The following NPR3 variants were observed in gnomAD, a reference collection of about 807,000 sequenced individuals.
The protein encoded by NPR3 is atrial natriuretic peptide receptor 3.
NPR3 carries 34 observed loss-of-function variants against 54.5 expected under a neutral mutation model. The observed-to-expected ratio is 0.62, with a 90% CI of 0.47 to 0.83. NPR3 has a LOEUF of 0.83. Ranked by LOEUF, NPR3 falls within the 40% of genes least tolerant of loss-of-function variation. The pLI, the probability that NPR3 is intolerant of heterozygous loss-of-function variation, is 0.00. For synonymous variants in NPR3, 289 were observed against 297.1 expected, an observed-to-expected ratio of 0.97 and a Z score of 0.28; for missense variants, 674 against 720.8, an observed-to-expected ratio of 0.94 and a Z score of 0.74.
intron 1 of NPR3, chr5:32,713,302 A>G (rs905348416): frequency 2.0e-6 from 2 of 985,250 alleles, no homozygotes; most frequent in African/African-American, 1.7e-5. Flanking sequence ...CTGTCCCCCA[A>G]GTTTTCTCCA....
Position 32,711,945 on chromosome 5 carries a change from G to A in NPR3, c.169G>A (p.Val57Met), listed in dbSNP as rs2111840156. The change falls in exon 1 of 8, where the codon GTG (valine) becomes ATG (methionine). Residue 57 changes from valine (V) to methionine (M), a missense_variant. By Grantham distance (21) the Val-to-Met change is conservative (BLOSUM62 1). Coordinates refer to ENST00000265074, the MANE Select transcript of NPR3 (RefSeq NM_001204375.2). The stretch of plus-strand genomic sequence containing the variant: ...GCCGCCACAGAAGATCGAGGTGCTG[G>A]TGTTACTGCCCCAGGATGACTCGTA... ...ALPPQKIEVL[V>M]LLPQDDSYLF... 1 of 1,554,788 alleles carries A rather than the reference G, an allele frequency of 6.4e-7. No homozygotes were observed. The highest frequency in any genetic ancestry group is 1.2e-5 in the South Asian group (1 of 85,030).
At chr5:32,709,703 T>C (rs374351391), upstream of NPR3, 17 of 152,284 alleles carry the variant, frequency 1.1e-4, no homozygotes, top group South Asian at 8.3e-4. Flanking sequence ...CATAATCACA[T>C]TGACGGTTCC....
At chr5:32,743,166 C>G (rs969055693) in intron 3 of NPR3, among the ~76,000 whole-genome samples, 2 of 152,146 alleles carry the variant, frequency 1.3e-5, no homozygotes, top group Non-Finnish European at 2.9e-5. Context: ...CTCTTCTCTC[C>G]TCTATCCATC....
Position 32,728,837 on chromosome 5 carries a change from GTATATATATATATATATATA to G in NPR3, c.892+4037_892+4056del, listed in dbSNP as rs70961659. ...TATTTGTGTGTGTGTGTGTGTGTGTGTATATATATATATATATATATATATATATATATATATATGTAAAA... is the reference window on the plus strand; with the variant it reads ...TATTTGTGTGTGTGTGTGTGTGTGTGTATATATATATATATATATGTAAAA... On this transcript the variant is annotated intron_variant, in intron 2 of 7. Coordinates refer to ENST00000265074, the MANE Select transcript of NPR3 (RefSeq NM_001204375.2). 4.8e-4 allele frequency among the ~76,000 whole-genome samples: 23 copies of G among 48,004 alleles called. No individual in the cohort carries two copies. The East Asian group carries it at 5.4e-3, about 11-fold the overall frequency. The allele number at this position is 48,004 out of a possible 152,430, so 31.5% of individuals were successfully genotyped here.
upstream of NPR3, chr5:32,710,604 G>C (rs1388791926): frequency 2.1e-6 from 3 of 1,412,608 alleles, no homozygotes; most frequent in Non-Finnish European, 1.9e-6. Flanking sequence ...GGCTGGCGCG[G>C]GGCTGAGGAA....
At chr5:32,707,223 T>C (rs1400029904), upstream of NPR3, among the ~76,000 whole-genome samples, 1 of 152,144 alleles carries the variant, frequency 6.6e-6, no homozygotes, top group African/African-American at 2.4e-5. Flanking sequence ...AAGAAACAAC[T>C]CTGTGTTTTC....
intron 2 of NPR3, among the ~76,000 whole-genome samples, chr5:32,728,465 G>GAAAA (rs11404168): frequency 2.2e-5 from 3 of 137,464 alleles, no homozygotes; most frequent in African/African-American, 8.1e-5. Context: ...CTCTATCTCA[G>GAAAA]AAAAAAAAAA....
At chr5:32,772,332 C>G (rs1489291640) in intron 3 of NPR3, among the ~76,000 whole-genome samples, 7 of 152,200 alleles carry the variant, frequency 4.6e-5, no homozygotes. Context: ...CTCCACTTAA[C>G]AGATGAGGAA....
intron 2 of NPR3, among the ~76,000 whole-genome samples, chr5:32,735,113 C>G (rs1417445026): frequency 1.3e-5 from 2 of 152,204 alleles, no homozygotes; most frequent in Non-Finnish European, 2.9e-5. Flanking sequence ...AGCACGGTCT[C>G]TAGTCCTCAC....
intron 3 of NPR3, among the ~76,000 whole-genome samples, chr5:32,774,258 TA>T (rs375552439): frequency 3.3e-5 from 5 of 152,220 alleles, no homozygotes; most frequent in African/African-American, 1.2e-4. Flanking sequence ...TTGCTAAATA[TA>T]AGTGAATGGA....
intron 3 of NPR3, among the ~76,000 whole-genome samples, chr5:32,749,317 T>TA (rs1008824926): frequency 8.7e-4 from 133 of 152,212 alleles, no homozygotes; most frequent in African/African-American, 3.1e-3. Flanking sequence ...AAAGATTTTT[T>TA]AAAAAAAATT....
chr5:32,741,525 C>A (rs1372476127), intron 3 of NPR3, among the ~76,000 whole-genome samples: 2 of 152,158 alleles, frequency 1.3e-5, no homozygotes, highest in African/African-American at 4.8e-5. Context: ...CAAAATCTCA[C>A]TGGAAAGGTA....
Position 32,784,814 on chromosome 5 carries a change from C to T in NPR3, c.1445C>T (p.Ser482Leu), listed in dbSNP as rs375630920. 5.6e-6 allele frequency: 9 copies of T among 1,613,504 alleles called. No individual in the cohort carries two copies. Among genetic ancestry groups the T allele is most frequent in the Admixed American group, 3.3e-5 (2 of 60,010 alleles). The change falls in exon 7 of 8, where the codon TCG (serine) becomes TTG (leucine). Residue 482 changes from serine to leucine, a missense_variant. Ser to Leu is a moderately radical substitution (Grantham distance 145, BLOSUM62 -2). Coordinates refer to ENST00000265074, the MANE Select transcript of NPR3 (RefSeq NM_001204375.2). ...PCKSSGGLEE[S>L]AVTGIVVGAL... ...TTTCAAGCAGGTGGCCTAGAAGAAT[C>T]GGCAGTGACAGGAATTGTCGTGGGG...
At chr5:32,710,668 G>A (rs1306707692), upstream of NPR3, 11 of 1,516,824 alleles carry the variant, frequency 7.3e-6, no homozygotes, top group East Asian at 2.6e-5. Flanking sequence ...CCGCGATGGA[G>A]CCATCTGCAC....
intron 3 of NPR3, among the ~76,000 whole-genome samples, chr5:32,755,070 C>G (rs1238264626): frequency 6.6e-6 from 1 of 152,168 alleles, no homozygotes; most frequent in Non-Finnish European, 1.5e-5. Context: ...CCATGTTAGC[C>G]AGGATGTTCT....
At chr5:32,775,877 G>A (rs1272474330) in intron 4 of NPR3, among the ~76,000 whole-genome samples, 3 of 152,024 alleles carry the variant, frequency 2.0e-5, no homozygotes. Context: ...TAATAACAGG[G>A]AACTATAGGA....
At chr5:32,782,085 A>G (rs1427579166) in intron 5 of NPR3, among the ~76,000 whole-genome samples, 1 of 152,202 alleles carries the variant, frequency 6.6e-6, no homozygotes, top group East Asian at 1.9e-4. Flanking sequence ...ATGACCATGG[A>G]ATTAAACCAT....
In NPR3 at chr5:32,744,557, G is replaced by A. The variant is rs546371437; in HGVS notation, c.1059+5527G>A. Among the ~76,000 whole-genome samples, 17 of 152,188 alleles carry A rather than the reference G, an allele frequency of 1.1e-4. 1 individual carries two copies. The South Asian group carries it at 3.5e-3, about 32-fold the overall frequency. On this transcript the variant is annotated intron_variant, in intron 3 of 7. Transcript: ENST00000265074. ...ATTCATTGGATGGTAAGCATTCATC[G>A]GTGCTTACCAATGATGAATACTTAC...
chr5:32,762,515 G>A (rs766817023), intron 3 of NPR3, among the ~76,000 whole-genome samples: 1 of 150,172 alleles, frequency 6.7e-6, no homozygotes, highest in Non-Finnish European at 1.5e-5. Flanking sequence ...ATCTCATTGT[G>A]GTTTTGATTT....
Sources: gnomAD v4.1 joint callset for allele counts (sites outside exome capture counted in the v4.1 genomes callset) on GRCh38, gnomAD v4.1.1 for gene constraint, MANE v1.5 for transcripts, NCBI Gene and HGNC (gene_info 2026-07-23, HGNC 2026-07-21) for gene names.